FRMD3: variants seen among roughly 807,000 people sequenced by gnomAD.
FRMD3 encodes FERM domain containing 3.
FRMD3 carries 33 observed loss-of-function variants against 70.2 expected under a neutral mutation model. The ratio of observed to expected loss-of-function variants is 0.47; its 90% CI spans 0.36 to 0.63. FRMD3 has a LOEUF of 0.63. FRMD3 is among the 20% of genes least tolerant of loss of function. The pLI is 0.00. For synonymous variants in FRMD3, 279 were observed against 255.9 expected (o/e 1.09, Z -0.86); for missense variants, 632 against 711.4 (o/e 0.89, Z 1.27).
intron 13 of FRMD3, among the ~76,000 whole-genome samples, chr9:83,260,487 T>C (rs1832934100): frequency 6.6e-6 from 1 of 152,160 alleles, no homozygotes; most frequent in African/African-American, 2.4e-5. Context: ...TCCTTACATG[T>C]AGGGTGCCCA....
At chr9:83,353,204 C>T (rs1416618415) in intron 3 of FRMD3, among the ~76,000 whole-genome samples, 1 of 142,306 alleles carries the variant, frequency 7.0e-6, no homozygotes, top group Non-Finnish European at 1.5e-5. Flanking sequence ...CACAGTGATC[C>T]AGGAGTAGTG....
In FRMD3 at chr9:83,538,386, G is replaced by T. The variant is rs1384116166; in HGVS notation, c.-155C>A. The T allele has an allele frequency of 1.8e-6, 1 of 551,408 alleles. No homozygotes were observed. The highest frequency in any genetic ancestry group is 3.6e-5 in the East Asian group (1 of 27,978). The allele number at this position is 551,408 out of a possible 1,614,324, so 34.2% of individuals were successfully genotyped here. On this transcript the variant is annotated 5_prime_UTR_variant, in exon 1 of 14. In the 5' UTR this introduces an upstream ATG that the reference lacks. Coordinates refer to ENST00000304195, the MANE Select transcript of FRMD3 (RefSeq NM_174938.6). This position sits in a 1 kb window ranked among gnomAD's most constrained non-coding sequence, Gnocchi z 4.7. ...GGGCGCCTGCGGACACACATGCCCA[G>T]CGGCCGGGGCGCGGCGGGCGGGTCC...
intron 1 of FRMD3, among the ~76,000 whole-genome samples, chr9:83,420,417 A>G (rs1016263226): frequency 2.6e-5 from 4 of 152,206 alleles, no homozygotes; most frequent in Non-Finnish European, 4.4e-5. Flanking sequence ...ATTAACAAAT[A>G]TACATATCCC....
At chr9:83,393,157 G>T (rs1359330012) in intron 1 of FRMD3, among the ~76,000 whole-genome samples, 2 of 152,174 alleles carry the variant, frequency 1.3e-5, no homozygotes, top group Admixed American at 6.5e-5. Flanking sequence ...CACTGACAGG[G>T]TTGAAAGAAT....
intron 1 of FRMD3, among the ~76,000 whole-genome samples, chr9:83,490,796 TCTCACACACA>T (rs1828804612): frequency 8.9e-6 from 1 of 112,050 alleles, no homozygotes; most frequent in African/African-American, 3.7e-5. Context: ...TCTCTCTCTC[TCTCACACACA>T]CACACACACA....
chr9:83,529,084 C>T (rs1188125910), intron 1 of FRMD3, among the ~76,000 whole-genome samples: 1 of 152,152 alleles, frequency 6.6e-6, no homozygotes, highest in Non-Finnish European at 1.5e-5. Flanking sequence ...GAGGTGTATT[C>T]TCACATATGC....
intron 1 of FRMD3, among the ~76,000 whole-genome samples, chr9:83,479,723 A>AG (rs879408156): frequency 1.5e-5 from 1 of 65,334 alleles, no homozygotes; most frequent in Non-Finnish European, 3.0e-5. Context: ...AAAGAAAGAA[A>AG]AGAAAGGGAA....
intron 3 of FRMD3, among the ~76,000 whole-genome samples, chr9:83,367,899 T>C (rs925682734): frequency 2.6e-5 from 4 of 152,212 alleles, no homozygotes; most frequent in African/African-American, 9.6e-5. Flanking sequence ...ATATTGGTAA[T>C]TTGTGTCTTC....
At chr9:83,441,621 C>T (rs943687215) in intron 1 of FRMD3, among the ~76,000 whole-genome samples, 9 of 152,158 alleles carry the variant, frequency 5.9e-5, no homozygotes, top group African/African-American at 2.2e-4. Context: ...TAAAACTCCT[C>T]AATGGACTAG....
At chr9:83,284,941 A>G (rs1834126542) in intron 13 of FRMD3, among the ~76,000 whole-genome samples, 1 of 152,216 alleles carries the variant, frequency 6.6e-6, no homozygotes, top group African/African-American at 2.4e-5. Flanking sequence ...TAGTGCATGA[A>G]AGACATATGC....
chr9:83,414,061 A>AACAC (rs142054709), intron 1 of FRMD3, among the ~76,000 whole-genome samples: 36 of 150,956 alleles, frequency 2.4e-4, no homozygotes, highest in Non-Finnish European at 2.7e-4. Flanking sequence ...AAATTCACGC[A>AACAC]ACACACACAC....
At chr9:83,380,336 A>G (rs140599586) in intron 2 of FRMD3, among the ~76,000 whole-genome samples, 1 of 152,106 alleles carries the variant, frequency 6.6e-6, no homozygotes, top group Non-Finnish European at 1.5e-5. Flanking sequence ...TCCTAACCCT[A>G]TGTTTTGGTT....
At position 83,538,305 on chromosome 9, in the gene FRMD3, G is replaced by A; in HGVS notation, c.-74C>T. 1.4e-6 allele frequency: 2 copies of A among 1,456,346 alleles called. No homozygotes were observed. The highest frequency in any genetic ancestry group is 1.8e-6 in the Non-Finnish European group (2 of 1,085,416). The allele number at this position is 1,456,346 out of a possible 1,614,324, so 90.2% of individuals were successfully genotyped here. ...CTCGCCTGCGCGGACACACACGCTC[G>A]CACGCACTGTCCGGGACACCTGGGC... On this transcript the variant is annotated 5_prime_UTR_variant, in exon 1 of 14. Transcript: ENST00000304195. The surrounding 1 kb of genome is among the most constrained non-coding windows in gnomAD (Gnocchi z 4.7).
chr9:83,530,447 A>G (rs1030819791), intron 1 of FRMD3, among the ~76,000 whole-genome samples: 1 of 152,238 alleles, frequency 6.6e-6, no homozygotes, highest in Non-Finnish European at 1.5e-5. Flanking sequence ...AAATCTATAC[A>G]GACAGGAAGT....
intron 1 of FRMD3, among the ~76,000 whole-genome samples, chr9:83,429,576 T>C (rs561873856): frequency 2.6e-5 from 4 of 152,280 alleles, no homozygotes; most frequent in Non-Finnish European, 4.4e-5. Flanking sequence ...AGGTCCCACG[T>C]CCTTGCCACC....
chr9:83,305,128 C>A (rs1835077900), intron 10 of FRMD3, among the ~76,000 whole-genome samples: 1 of 152,196 alleles, frequency 6.6e-6, no homozygotes, highest in African/African-American at 2.4e-5. Context: ...CCTTGCTCTG[C>A]CAGCTGAAAC....
At chr9:83,336,601 A>C (rs1462285609) in intron 5 of FRMD3, among the ~76,000 whole-genome samples, 1 of 146,358 alleles carries the variant, frequency 6.8e-6, no homozygotes, top group East Asian at 2.0e-4. Context: ...AGGAGTATAC[A>C]TCTAAAACAG....
intron 1 of FRMD3, among the ~76,000 whole-genome samples, chr9:83,413,846 A>G (rs1826347186): frequency 6.6e-6 from 1 of 152,236 alleles, no homozygotes; most frequent in Non-Finnish European, 1.5e-5. Context: ...AAAGAAAACT[A>G]TTAGAGATTT....
intron 3 of FRMD3, among the ~76,000 whole-genome samples, chr9:83,352,587 G>A (rs980399309): frequency 2.6e-5 from 4 of 152,172 alleles, no homozygotes; most frequent in Admixed American, 1.3e-4. Flanking sequence ...CTTCTCCCAC[G>A]TACATGAAGA....
Sources: gnomAD v4.1 joint callset for allele counts (sites outside exome capture counted in the v4.1 genomes callset) on GRCh38, gnomAD v4.1.1 for gene constraint, Gnocchi (gnomAD v3.1) non-coding constraint, MANE v1.5 for transcripts, NCBI Gene and HGNC (gene_info 2026-07-23, HGNC 2026-07-21) for gene names.